The following RALGAPA2 variants were observed in gnomAD, a reference collection of about 807,000 sequenced individuals.
RALGAPA2 encodes ral GTPase-activating protein subunit alpha-2.
In RALGAPA2, 139 loss-of-function variants were observed where a neutral mutation model predicts 230.4. The observed-to-expected ratio is 0.60, with a 90% CI of 0.53 to 0.69. The LOEUF is 0.69. RALGAPA2 is among the 30% of genes least tolerant of loss of function. The pLI is 0.00. For missense variants in RALGAPA2, 2,163 were observed against 2,276.0 expected (o/e 0.95, Z 1.01); for synonymous variants, 847 against 837.8 (o/e 1.01, Z -0.19).
At chr20:20,526,918 T>C (rs1286866317) in intron 27 of RALGAPA2, among the ~76,000 whole-genome samples, 4 of 152,230 alleles carry the variant, frequency 2.6e-5, no homozygotes, top group Admixed American at 6.5e-5. Context: ...TAATGAATTA[T>C]GGTATACTCA....
intron 20 of RALGAPA2, among the ~76,000 whole-genome samples, chr20:20,582,708 C>T (rs749299022): frequency 1.3e-5 from 2 of 152,008 alleles, no homozygotes; most frequent in African/African-American, 2.4e-5. Flanking sequence ...TACTGTTCCC[C>T]GTAACTTACA....
At chr20:20,516,047 G>A (rs746331026) in intron 31 of RALGAPA2, among the ~76,000 whole-genome samples, 7 of 152,122 alleles carry the variant, frequency 4.6e-5, no homozygotes, top group Non-Finnish European at 1.0e-4. Context: ...ATGGGAGCTG[G>A]GCAAGGCTTA....
Position 20,409,071 on chromosome 20 carries a change from C to T in RALGAPA2, c.5617+2956G>A, listed in dbSNP as rs778323578. 5.9e-5 allele frequency among the ~76,000 whole-genome samples: 9 copies of T among 152,208 alleles called. 1 individual carries two copies. The highest frequency in any genetic ancestry group is 2.1e-4 in the South Asian group (1 of 4,828). ...CAGCTACACCACCATGTGTGGTTGA[C>T]GGCGCATCCTGAACGCAAGCCTGTT... On this transcript the variant is annotated intron_variant, in intron 38 of 39. Coordinates refer to ENST00000202677, the MANE Select transcript of RALGAPA2 (RefSeq NM_020343.4).
chr20:20,712,360 C>T lies in RALGAPA2; in HGVS notation c.106+15G>A, dbSNP rs1003629520. The T allele has an allele frequency of 1.9e-6, 3 of 1,545,386 alleles. No individual in the cohort carries two copies. Among genetic ancestry groups the T allele is most frequent in the Non-Finnish European group, 1.7e-6 (2 of 1,144,236 alleles). ...AACCCGGCGCCCCGACCCCCGCGCC[C>T]GGCGCGCGCCTCACCCAGCAGCGCC... On this transcript the variant is annotated intron_variant, in intron 1 of 39. Coordinates refer to ENST00000202677, the MANE Select transcript of RALGAPA2 (RefSeq NM_020343.4). This position sits in a 1 kb window ranked among gnomAD's most constrained non-coding sequence, Gnocchi z 5.5.
intron 39 of RALGAPA2, among the ~76,000 whole-genome samples, chr20:20,394,510 C>A (rs1039852262): frequency 1.3e-5 from 2 of 152,080 alleles, no homozygotes; most frequent in African/African-American, 4.8e-5. Flanking sequence ...CATGGTGGTG[C>A]GCACCTGTAG....
chr20:20,682,977 C>T (rs936145265), intron 1 of RALGAPA2, among the ~76,000 whole-genome samples: 1 of 152,174 alleles, frequency 6.6e-6, no homozygotes, highest in Non-Finnish European at 1.5e-5. Context: ...GATTTCTCCA[C>T]GTGAGGGTCT....
At chr20:20,560,502 A>G (rs182264958) in intron 23 of RALGAPA2, among the ~76,000 whole-genome samples, 79 of 152,368 alleles carry the variant, frequency 5.2e-4, no homozygotes, top group African/African-American at 1.8e-3. Context: ...ATGTATTAAA[A>G]AGAAATCAAC....
intron 2 of RALGAPA2, among the ~76,000 whole-genome samples, chr20:20,679,253 A>T (rs759759993): frequency 6.6e-6 from 1 of 152,016 alleles, no homozygotes; most frequent in African/African-American, 2.4e-5. Flanking sequence ...TCCTGCGCTA[A>T]TGGCACCTCA....
chr20:20,563,340 G>T (rs1271263040), intron 23 of RALGAPA2, among the ~76,000 whole-genome samples: 1 of 152,186 alleles, frequency 6.6e-6, no homozygotes, highest in Non-Finnish European at 1.5e-5. Flanking sequence ...GAAATAATTA[G>T]TAACAAATAT....
chr20:20,573,821 T>G (rs6075675), intron 20 of RALGAPA2, among the ~76,000 whole-genome samples: 5,657 of 152,342 alleles, frequency 0.037, 127 homozygotes, highest in South Asian at 0.061. Flanking sequence ...AGATGTGTCA[T>G]AGTTTATCCA....
At chr20:20,610,558 T>C (rs147704555) in intron 14 of RALGAPA2, among the ~76,000 whole-genome samples, 1 of 152,292 alleles carries the variant, frequency 6.6e-6, no homozygotes, top group Non-Finnish European at 1.5e-5. Context: ...CCTCCCTCAC[T>C]GGACCATCCC....
rs144225459 is a variant in RALGAPA2 at position 20,668,120 on chromosome 20, C to T, written c.270+8116G>A. On this transcript the variant is annotated intron_variant, in intron 3 of 39. Transcript: ENST00000202677. Reference sequence around the variant, plus strand: ...AAGTGGTCTTTCAAACGATGAGATACGGCTCTACTGGAGGACTCTAGAGCC... The same window carrying T: ...AAGTGGTCTTTCAAACGATGAGATATGGCTCTACTGGAGGACTCTAGAGCC... 1.7e-3 allele frequency among the ~76,000 whole-genome samples: 254 copies of T among 152,326 alleles called. 1 individual carries two copies. The highest frequency in any genetic ancestry group is 5.5e-3 in the African/African-American group (227 of 41,574).
chr20:20,463,615 A>C (rs962290981), intron 37 of RALGAPA2, among the ~76,000 whole-genome samples: 1 of 152,168 alleles, frequency 6.6e-6, no homozygotes, highest in Non-Finnish European at 1.5e-5. Flanking sequence ...AGAAGATTCC[A>C]TGTCTCTTCC....
intron 36 of RALGAPA2, among the ~76,000 whole-genome samples, chr20:20,494,705 C>T (rs2062154312): frequency 6.6e-6 from 1 of 152,218 alleles, no homozygotes; most frequent in South Asian, 2.1e-4. Flanking sequence ...AAGTGCCCGA[C>T]ACCAGGCAAG....
At chr20:20,631,074 T>G (rs972229710) in intron 9 of RALGAPA2, among the ~76,000 whole-genome samples, 1 of 152,200 alleles carries the variant, frequency 6.6e-6, no homozygotes, top group African/African-American at 2.4e-5. Context: ...GGAAGAGACC[T>G]AGCCACTATC....
At position 20,629,354 on chromosome 20, in the gene RALGAPA2, C is replaced by T. The variant is rs748226358; in HGVS notation, c.1233+9G>A. 7.3e-6 allele frequency: 11 copies of T among 1,511,736 alleles called. No homozygotes were observed. The highest frequency in any genetic ancestry group is 9.9e-6 in the Non-Finnish European group (11 of 1,107,664). The allele number at this position is 1,511,736 out of a possible 1,614,324, so 93.6% of individuals were successfully genotyped here. On this transcript the variant is annotated intron_variant, in intron 10 of 39. Coordinates refer to ENST00000202677, the MANE Select transcript of RALGAPA2 (RefSeq NM_020343.4). ...ACACACACACACACACACACACACA[C>T]ACACTAACCTGGTGAAATACTTCAT...
chr20:20,656,761 T>C (rs1331708602), intron 3 of RALGAPA2, among the ~76,000 whole-genome samples: 4 of 152,220 alleles, frequency 2.6e-5, no homozygotes, highest in East Asian at 3.9e-4. Context: ...CATGGGCACA[T>C]AGGATCAAGA....
intron 12 of RALGAPA2, among the ~76,000 whole-genome samples, chr20:20,618,721 C>T (rs2066229313): frequency 6.6e-6 from 1 of 152,060 alleles, no homozygotes; most frequent in South Asian, 2.1e-4. Context: ...GAGGAAATCT[C>T]CCAATTCCCA....
intron 1 of RALGAPA2, among the ~76,000 whole-genome samples, chr20:20,691,913 A>G (rs1300291461): frequency 6.6e-6 from 1 of 152,154 alleles, no homozygotes; most frequent in Non-Finnish European, 1.5e-5. Flanking sequence ...TTCCTCATGA[A>G]CATCCTGGTG....
Sources: gnomAD v4.1 joint callset for allele counts (sites outside exome capture counted in the v4.1 genomes callset) on GRCh38, gnomAD v4.1.1 for gene constraint, Gnocchi (gnomAD v3.1) non-coding constraint, MANE v1.5 for transcripts, NCBI Gene and HGNC (gene_info 2026-07-23, HGNC 2026-07-21) for gene names.